PRPSAP1: variants seen among roughly 807,000 people sequenced by gnomAD.
PRPSAP1 encodes the protein phosphoribosyl pyrophosphate synthase-associated protein 1.
A neutral mutation model predicts 39.4 loss-of-function variants in PRPSAP1; 31 were observed. The ratio of observed to expected loss-of-function variants is 0.79; its 90% CI spans 0.59 to 1.06. The LOEUF is 1.06. PRPSAP1 is among the 50% of genes least tolerant of loss of function. PRPSAP1 has a pLI of 0.00. For missense variants in PRPSAP1, 430 were observed against 511.6 expected (o/e 0.84, Z 1.54); for synonymous variants, 212 against 192.6 (o/e 1.10, Z -0.83).
At chr17:76,312,524 T>C (rs2071079802) in intron 9 of PRPSAP1, among the ~76,000 whole-genome samples, 1 of 152,132 alleles carries the variant, frequency 6.6e-6, no homozygotes, top group African/African-American at 2.4e-5. Context: ...CCAGAACAGT[T>C]ACATTAGACT....
chr17:76,342,672 C>T (rs1033957765), intron 3 of PRPSAP1, among the ~76,000 whole-genome samples: 2 of 150,396 alleles, frequency 1.3e-5, no homozygotes, highest in African/African-American at 4.9e-5. Context: ...GAGCCATGAT[C>T]GTGTCACTGC....
At chr17:76,326,296 T>C (rs992893506) in intron 7 of PRPSAP1, among the ~76,000 whole-genome samples, 2 of 152,188 alleles carry the variant, frequency 1.3e-5, no homozygotes, top group South Asian at 2.1e-4. Context: ...CAGTCAATAA[T>C]TGATTCAGGC....
At chr17:76,330,799 T>A in intron 4 of PRPSAP1, 133 bp from the exon 5 acceptor site, 1 of 543,668 alleles carries the variant, frequency 1.8e-6, no homozygotes, top group Non-Finnish European at 3.2e-6. Context: ...AGCACTGCAG[T>A]CACAGGCTTG....
intron 2 of PRPSAP1, 88 bp from the exon 3 acceptor site, chr17:76,344,825 C>A (rs1253291585): frequency 3.2e-6 from 3 of 950,132 alleles, no homozygotes; most frequent in African/African-American, 3.3e-5. Flanking sequence ...TCATGCCGGG[C>A]GCGGTGGCAC....
intron 1 of PRPSAP1, among the ~76,000 whole-genome samples, chr17:76,349,491 T>C (rs2071544877): frequency 6.6e-6 from 1 of 151,972 alleles, no homozygotes; most frequent in African/African-American, 2.4e-5. Flanking sequence ...CCGGGTGCGG[T>C]GGCTCACGTC....
At chr17:76,312,167 A>C (rs1378806208) in intron 9 of PRPSAP1, among the ~76,000 whole-genome samples, 1 of 152,220 alleles carries the variant, frequency 6.6e-6, no homozygotes, top group African/African-American at 2.4e-5. Flanking sequence ...TAGGCCGGGC[A>C]CAGTGGCTCA....
rs1652800050 is a variant in PRPSAP1 at position 76,312,094 on chromosome 17, C to G, written c.1000-394G>C. ...CCTCAACATAACTCTCAACTTATGACAGGGTTATGTCTGGATAAACGCATC... is the reference window on the plus strand; with the variant it reads ...CCTCAACATAACTCTCAACTTATGAGAGGGTTATGTCTGGATAAACGCATC... On this transcript the variant is annotated intron_variant, in intron 9 of 9. Transcript: ENST00000446526. 1.3e-5 allele frequency among the ~76,000 whole-genome samples: 2 copies of G among 152,096 alleles called. 1 individual carries two copies. The highest frequency in any genetic ancestry group is 4.1e-4 in the South Asian group (2 of 4,822).
At chr17:76,317,820 C>CA (rs1326371684) in intron 7 of PRPSAP1, among the ~76,000 whole-genome samples, 1 of 152,204 alleles carries the variant, frequency 6.6e-6, no homozygotes, top group Non-Finnish European at 1.5e-5. Context: ...GCAGAACCCC[C>CA]AACATATAAT....
intron 7 of PRPSAP1, among the ~76,000 whole-genome samples, chr17:76,321,978 A>G (rs2071202875): frequency 6.6e-6 from 1 of 152,212 alleles, no homozygotes; most frequent in African/African-American, 2.4e-5. Context: ...CTTTTTCATG[A>G]AGTTTAAGGA....
intron 3 of PRPSAP1, among the ~76,000 whole-genome samples, chr17:76,333,265 C>T (rs113915189): frequency 0.055 from 8,299 of 152,130 alleles, 369 homozygotes; most frequent in African/African-American, 0.13. Flanking sequence ...CGTGCACCAC[C>T]ACACGTGGCT....
chr17:76,325,362 T>G (rs1472217831), intron 7 of PRPSAP1, among the ~76,000 whole-genome samples: 1 of 111,036 alleles, frequency 9.0e-6, no homozygotes. Flanking sequence ...TGAGCTGAGA[T>G]CGCGCCACTG....
intron 7 of PRPSAP1, among the ~76,000 whole-genome samples, chr17:76,325,305 A>AGGCTGAGGCAGGAGAAT (rs1278904409): frequency 1.2e-4 from 17 of 139,352 alleles, no homozygotes; most frequent in African/African-American, 3.7e-4. Context: ...GCTATTCGGG[A>AGGCTGAGGCAGGAGAAT]GGCTGAGGCA....
chr17:76,339,821 G>C (rs1326815586), intron 3 of PRPSAP1, among the ~76,000 whole-genome samples: 1 of 151,458 alleles, frequency 6.6e-6, no homozygotes, highest in Non-Finnish European at 1.5e-5. Context: ...TCTTCCTTTG[G>C]CCAAAATTTC....
At chr17:76,345,613 A>AT (rs906830335) in intron 2 of PRPSAP1, 5 of 155,694 alleles carry the variant, frequency 3.2e-5, no homozygotes, top group African/African-American at 1.2e-4. Context: ...TCTGGAGAAA[A>AT]AAAAAAAAAA....
At chr17:76,312,676 A>T in intron 9 of PRPSAP1, 194 bp downstream of exon 9, 1 of 552,524 alleles carries the variant, frequency 1.8e-6, no homozygotes, top group Non-Finnish European at 2.9e-6. Context: ...TAAAGTCAAA[A>T]ACTTCTAAGT....
At chr17:76,346,505 C>G (rs890259947) in intron 2 of PRPSAP1, among the ~76,000 whole-genome samples, 5 of 152,220 alleles carry the variant, frequency 3.3e-5, no homozygotes, top group Non-Finnish European at 1.5e-5. Flanking sequence ...ACCTGACCCC[C>G]CCATAATTGA....
rs903546118 is a variant in PRPSAP1 at position 76,309,932 on chromosome 17, A to G, written c.*1610T>C. The G allele has an allele frequency of 7.2e-5, 11 of 151,992 alleles. No homozygotes were observed. Among genetic ancestry groups the G allele is most frequent in the African/African-American group, 2.7e-4 (11 of 41,370 alleles). The allele number at this position is 151,992 out of a possible 1,614,324, so 9.4% of individuals were successfully genotyped here. On this transcript the variant is annotated 3_prime_UTR_variant, in exon 10 of 10. Coordinates refer to ENST00000446526, the MANE Select transcript of PRPSAP1 (RefSeq NM_002766.3). ...GATTTTCGATCATCATTATATTCCA[A>G]TAACTTGGGACACAGTAGGCCTTTA...
At chr17:76,344,000 G>A (rs2071468374) in intron 3 of PRPSAP1, among the ~76,000 whole-genome samples, 1 of 152,050 alleles carries the variant, frequency 6.6e-6, no homozygotes, top group East Asian at 1.9e-4. Context: ...GCCCAGGCTA[G>A]AGTGCAGTGG....
At chr17:76,328,477 C>T (rs2071277680) in intron 7 of PRPSAP1, among the ~76,000 whole-genome samples, 1 of 152,010 alleles carries the variant, frequency 6.6e-6, no homozygotes, top group Non-Finnish European at 1.5e-5. Context: ...GGCGTGGTGG[C>T]ACACACCTGT....
Sources: gnomAD v4.1 joint callset for allele counts (sites outside exome capture counted in the v4.1 genomes callset) on GRCh38, gnomAD v4.1.1 for gene constraint, MANE v1.5 for transcripts, NCBI Gene and HGNC (gene_info 2026-07-23, HGNC 2026-07-21) for gene names.